Variants in ADARB1 observed in about 807,000 individuals in gnomAD.
ADARB1 encodes double-stranded RNA-specific editase 1.
A neutral mutation model predicts 52.4 loss-of-function variants in ADARB1; 10 were observed. That is an observed-to-expected ratio of 0.19 (90% CI 0.12 to 0.32). The LOEUF (loss-of-function observed/expected upper bound fraction) is 0.32. Ranked by LOEUF, ADARB1 falls within the 10% of genes least tolerant of loss-of-function variation. The probability of loss-of-function intolerance (pLI) is 1.00; values close to 1 mark genes in which losing one functional copy is unlikely to be tolerated. For synonymous variants in ADARB1, 349 were observed against 371.1 expected, an observed-to-expected ratio of 0.94 and a Z score of 0.68; for missense variants, 643 against 922.3, an observed-to-expected ratio of 0.70 and a Z score of 3.92.
chr21:45,099,308 G>A (rs962491739), intron 1 of ADARB1, among the ~76,000 whole-genome samples: 2 of 152,160 alleles, frequency 1.3e-5, no homozygotes, highest in African/African-American at 4.8e-5. Context: ...ATCCTTCAGT[G>A]CCTAGTATAC....
intron 1 of ADARB1, among the ~76,000 whole-genome samples, chr21:45,103,405 A>G (rs1016389304): frequency 2.0e-5 from 3 of 151,892 alleles, no homozygotes; most frequent in South Asian, 4.2e-4. Context: ...TGAAATAATC[A>G]TACAACTCAG....
Position 45,220,878 on chromosome 21 carries a change from A to G in ADARB1, c.1790A>G (p.Asn597Ser). ...AEARQPGKAP[N>S]FSVNWTVGDS... is the part of the protein sequence containing the mutation. ...GCACGGCAGCCAGGGAAGGCCCCCA[A>G]CTTCAGTGTCAACTGGACGGTAGGC... The change falls in exon 10 of 11, where the codon AAC (asparagine) becomes AGC (serine). Residue 597 changes from asparagine (N) to serine (S), a missense_variant. Coordinates refer to ENST00000348831, the MANE Select transcript of ADARB1 (RefSeq NM_001112.4). This position sits in a 1 kb window ranked among gnomAD's most constrained non-coding sequence, Gnocchi z 6.3. 1 of 1,613,458 alleles carries G rather than the reference A, an allele frequency of 6.2e-7. No homozygotes were observed. Among genetic ancestry groups the G allele is most frequent in the Non-Finnish European group, 8.5e-7 (1 of 1,179,974 alleles).
At chr21:45,180,840 G>A (rs1190629005) in intron 5 of ADARB1, among the ~76,000 whole-genome samples, 1 of 152,216 alleles carries the variant, frequency 6.6e-6, no homozygotes, top group Admixed American at 6.5e-5. Context: ...TTTGAGGAGG[G>A]AGAGAGCTCT....
intron 2 of ADARB1, among the ~76,000 whole-genome samples, chr21:45,168,682 G>A (rs2091353603): frequency 1.3e-5 from 2 of 152,084 alleles, no homozygotes; most frequent in Non-Finnish European, 2.9e-5. Context: ...ACACTGTACC[G>A]TACCGATGAC....
chr21:45,215,855 T>C (rs1429454106), intron 9 of ADARB1, among the ~76,000 whole-genome samples: 1 of 152,240 alleles, frequency 6.6e-6, no homozygotes, highest in Non-Finnish European at 1.5e-5. Context: ...TTGGGGTGCA[T>C]TTCTTTCTCT....
chr21:45,109,320 G>A lies in ADARB1; in HGVS notation c.-219-19082G>A, dbSNP rs439077. Among the ~76,000 whole-genome samples, 493 of 152,236 alleles carry A rather than the reference G, an allele frequency of 3.2e-3. 2 individuals are homozygous for A. Among genetic ancestry groups the A allele is most frequent in the Non-Finnish European group, 6.0e-3 (408 of 68,020 alleles). ...TATGTGTGTGCACGTGTGTGCGCGC[G>A]TGTGCGTATATGTGTGTGCACGTGT... On this transcript the variant is annotated intron_variant, in intron 1 of 10. Transcript: ENST00000348831.
intron 1 of ADARB1, among the ~76,000 whole-genome samples, chr21:45,100,100 T>A (rs2086935189): frequency 6.6e-6 from 1 of 152,238 alleles, no homozygotes; most frequent in Non-Finnish European, 1.5e-5. Context: ...TGTTAAAGAT[T>A]TAAAAATATA....
intron 8 of ADARB1, among the ~76,000 whole-genome samples, chr21:45,197,465 G>A (rs1003509685): frequency 2.0e-4 from 30 of 149,362 alleles, no homozygotes; most frequent in African/African-American, 4.7e-4. Context: ...ACGCCACTGC[G>A]CTCCAGCCTG....
rs2123750430 is a variant in ADARB1, at chr21:45,105,255, C to T, written c.-219-23147C>T. ...AGCTGGGATTACAGGTGCCCGCCAC[C>T]ACACCTGGCTAATTTTTGTATTTTT... On this transcript the variant is annotated intron_variant, in intron 1 of 10. Coordinates refer to ENST00000348831, the MANE Select transcript of ADARB1 (RefSeq NM_001112.4). Among the ~76,000 whole-genome samples, 2 of 152,232 alleles carry T rather than the reference C, an allele frequency of 1.3e-5. 1 individual carries two copies. The highest frequency in any genetic ancestry group is 4.2e-4 in the South Asian group (2 of 4,816).
chr21:45,098,818 T>C (rs1385078864), intron 1 of ADARB1, among the ~76,000 whole-genome samples: 3 of 152,188 alleles, frequency 2.0e-5, no homozygotes, highest in Non-Finnish European at 4.4e-5. Flanking sequence ...TGTGTATATT[T>C]GTGTGTGTTT....
chr21:45,185,296 G>A (rs912849601), intron 8 of ADARB1, among the ~76,000 whole-genome samples: 1 of 152,228 alleles, frequency 6.6e-6, no homozygotes, highest in East Asian at 1.9e-4. Context: ...GACACAGGAG[G>A]CTCCACGCTT....
At position 45,223,479 on chromosome 21, in the gene ADARB1, A is replaced by C. The variant is rs532967836; in HGVS notation, c.*1282A>C. On this transcript the variant is annotated 3_prime_UTR_variant, in exon 11 of 11. Transcript: ENST00000348831. ...TCCACCAAGCTCAGAGATTTGCACC[A>C]GGTGCCTTGTTGCCTCCGCTCAGGA... 7 of 985,690 alleles carry C rather than the reference A, an allele frequency of 7.1e-6. No individual in the cohort carries two copies. The East Asian group carries it at 7.9e-4, about 112-fold the overall frequency. The allele number at this position is 985,690 out of a possible 1,614,324, so 61.1% of individuals were successfully genotyped here.
chr21:45,119,276 A>AG (rs1369968937), intron 1 of ADARB1, among the ~76,000 whole-genome samples: 1 of 152,128 alleles, frequency 6.6e-6, no homozygotes, highest in Non-Finnish European at 1.5e-5. Context: ...TTTTTTGTAG[A>AG]GGTGGGGTCT....
At chr21:45,211,296 AGAGGGG>A (rs1482703393) in intron 9 of ADARB1, among the ~76,000 whole-genome samples, 2 of 152,242 alleles carry the variant, frequency 1.3e-5, no homozygotes, top group Non-Finnish European at 2.9e-5. Flanking sequence ...TTTTGGACCC[AGAGGGG>A]CTCAGAGGCT....
chr21:45,146,785 C>G (rs746446847), intron 2 of ADARB1, among the ~76,000 whole-genome samples: 1 of 152,224 alleles, frequency 6.6e-6, no homozygotes, highest in African/African-American at 2.4e-5. Flanking sequence ...GAATCCAGAG[C>G]TCAGACAGCT....
At chr21:45,180,486 G>C (rs775470046) in intron 5 of ADARB1, 42 bp downstream of exon 5, 24 of 1,497,630 alleles carry the variant, frequency 1.6e-5, no homozygotes, top group Non-Finnish European at 1.9e-5. Context: ...CTGTTTTCAT[G>C]TCTGACAAAT....
At chr21:45,198,996 T>C (rs2092490479) in intron 8 of ADARB1, among the ~76,000 whole-genome samples, 1 of 151,834 alleles carries the variant, frequency 6.6e-6, no homozygotes, top group South Asian at 2.1e-4. Flanking sequence ...TAATCAAAAG[T>C]GAGTGGTAAT....
chr21:45,135,998 A>G (rs2089344979), intron 2 of ADARB1, among the ~76,000 whole-genome samples: 1 of 152,238 alleles, frequency 6.6e-6, no homozygotes, highest in South Asian at 2.1e-4. Context: ...ACTAGGCAGC[A>G]TCAGAGCAGG....
intron 2 of ADARB1, among the ~76,000 whole-genome samples, chr21:45,129,228 C>CAAA (rs959880659): frequency 7.0e-6 from 1 of 142,496 alleles, no homozygotes; most frequent in Non-Finnish European, 1.5e-5. Flanking sequence ...GACTCTTTCT[C>CAAA]AAAAAAAAAA....
Sources: gnomAD v4.1 joint callset for allele counts (sites outside exome capture counted in the v4.1 genomes callset) on GRCh38, gnomAD v4.1.1 for gene constraint, Gnocchi (gnomAD v3.1) non-coding constraint, MANE v1.5 for transcripts, NCBI Gene and HGNC (gene_info 2026-07-23, HGNC 2026-07-21) for gene names.